NDRG3: variants seen among roughly 807,000 people sequenced by gnomAD.
NDRG3 encodes NDRG family member 3.
In NDRG3, 23 loss-of-function variants were observed where a neutral mutation model predicts 57.2. The observed-to-expected ratio is 0.40, with a 90% CI of 0.29 to 0.57. NDRG3 has a LOEUF of 0.57. Among genes scored for constraint, NDRG3 ranks in the 20% least tolerant of loss-of-function variants. NDRG3 has a pLI of 0.42. For missense variants in NDRG3, 384 were observed against 457.3 expected (o/e 0.84, Z 1.46); for synonymous variants, 132 against 162.6 (o/e 0.81, Z 1.43).
chr20:36,723,175 T>C (rs1404597570), intron 1 of NDRG3, among the ~76,000 whole-genome samples: 3 of 152,112 alleles, frequency 2.0e-5, no homozygotes, highest in African/African-American at 7.2e-5. Flanking sequence ...ACAGAAACCA[T>C]GAGAGATAAT....
chr20:36,727,610 C>G (rs1370526422), intron 1 of NDRG3, among the ~76,000 whole-genome samples: 2 of 151,064 alleles, frequency 1.3e-5, no homozygotes, highest in Non-Finnish European at 2.9e-5. Context: ...TGGCACATCT[C>G]AGCTCACTGC....
intron 5 of NDRG3, 82 bp downstream of exon 5, chr20:36,687,410 G>T (rs1981880545): frequency 4.6e-6 from 7 of 1,514,972 alleles, no homozygotes; most frequent in Non-Finnish European, 5.4e-6. Flanking sequence ...TCAAAGGGAA[G>T]CACACACCAC....
chr20:36,729,421 T>C (rs551928271), intron 1 of NDRG3, among the ~76,000 whole-genome samples: 12 of 152,318 alleles, frequency 7.9e-5, no homozygotes, highest in Admixed American at 7.8e-4. Context: ...ATCTCAGATA[T>C]GATCAGTTTT....
chr20:36,671,380 G>C lies in NDRG3; in HGVS notation c.549C>G (p.Thr183=), dbSNP rs1222861279. ...WAASKLSGLT[T]NVVDIILAHH... ...GAGCCAAAATAATGTCCACAACATT[G>C]GTTGTCAGGCCAGAGAGCTGAAAAG... is the stretch of plus-strand genomic sequence containing the variant. Residue 183 remains threonine, a synonymous_variant, in exon 9 of 16, where the codon ACC becomes ACG. Transcript: ENST00000349004. 2.5e-6 allele frequency: 4 copies of C among 1,613,734 alleles called. No homozygotes were observed. The Admixed American group carries it at 5.0e-5, about 20-fold the overall frequency.
At position 36,680,484 on chromosome 20, in the gene NDRG3, CAA is replaced by C. The variant is rs71186011; in HGVS notation, c.531+330_531+331del. 3.1e-3 allele frequency among the ~76,000 whole-genome samples: 390 copies of C among 127,348 alleles called. 1 individual carries two copies. Among genetic ancestry groups the C allele is most frequent in the African/African-American group, 5.2e-3 (176 of 33,844 alleles). 83.5% of individuals were successfully genotyped at this position (127,348 alleles called of 152,430 possible). ...TGGGCAACAGAGTGAGACTCCATCT[CAA>C]AAAAAAAAAAAAAATACAGTTTCTA... On this transcript the variant is annotated intron_variant, in intron 8 of 15. Coordinates refer to ENST00000349004, the MANE Select transcript of NDRG3 (RefSeq NM_032013.4).
At position 36,720,457 on chromosome 20, in the gene NDRG3, G is replaced by A. The variant is rs778139566; in HGVS notation, c.57+1222C>T. Among the ~76,000 whole-genome samples the A allele has an allele frequency of 2.6e-4, 40 of 152,256 alleles. 1 individual carries two copies. Among genetic ancestry groups the A allele is most frequent in the Non-Finnish European group, 5.3e-4 (36 of 68,024 alleles). Reference sequence around the variant, plus strand: ...CAAAGTGCTGGGATTACAGGCATAAGCCACTGCACCTGGCCAAAACCTTTC... The same window carrying A: ...CAAAGTGCTGGGATTACAGGCATAAACCACTGCACCTGGCCAAAACCTTTC... On this transcript the variant is annotated intron_variant, in intron 2 of 15. Coordinates refer to ENST00000349004, the MANE Select transcript of NDRG3 (RefSeq NM_032013.4).
At chr20:36,709,830 G>A (rs369318944) in intron 2 of NDRG3, among the ~76,000 whole-genome samples, 5 of 152,022 alleles carry the variant, frequency 3.3e-5, no homozygotes, top group African/African-American at 1.2e-4. Flanking sequence ...TCAGGTGCTT[G>A]ATACAGATTT....
intron 2 of NDRG3, among the ~76,000 whole-genome samples, 155 bp downstream of exon 2, chr20:36,721,524 T>C (rs975584013): frequency 2.0e-5 from 3 of 150,352 alleles, no homozygotes; most frequent in Non-Finnish European, 4.4e-5. Flanking sequence ...TGAGACACCG[T>C]CTCAAAAAAA....
At chr20:36,685,015 C>G (rs551430351) in intron 5 of NDRG3, among the ~76,000 whole-genome samples, 1 of 152,128 alleles carries the variant, frequency 6.6e-6, no homozygotes, top group African/African-American at 2.4e-5. Context: ...AACAAGCAGC[C>G]CTTGGGACCA....
intron 1 of NDRG3, among the ~76,000 whole-genome samples, chr20:36,740,381 C>T (rs1490323527): frequency 6.6e-6 from 1 of 152,248 alleles, no homozygotes; most frequent in Non-Finnish European, 1.5e-5. Context: ...GAGTCTCGCT[C>T]TATCACCCAG....
intron 1 of NDRG3, among the ~76,000 whole-genome samples, chr20:36,735,106 G>A (rs1985535555): frequency 6.6e-6 from 1 of 152,152 alleles, no homozygotes; most frequent in Non-Finnish European, 1.5e-5. Flanking sequence ...GTCATGGATA[G>A]CTATCCATCA....
chr20:36,714,684 G>A lies in NDRG3; in HGVS notation c.57+6995C>T, dbSNP rs1436004367. On this transcript the variant is annotated intron_variant, in intron 2 of 15. Coordinates refer to ENST00000349004, the MANE Select transcript of NDRG3 (RefSeq NM_032013.4). ...GCTGGAGTGCAGTGGTGCAATCTCG[G>A]CTTATTGTAAGCTCCACCTCCCAGG... 2.7e-5 allele frequency among the ~76,000 whole-genome samples: 4 copies of A among 150,858 alleles called. No homozygotes were observed. In the East Asian group the frequency reaches 8.0e-4, roughly 30 times the overall value.
chr20:36,711,904 C>T (rs1162043784), intron 2 of NDRG3, among the ~76,000 whole-genome samples: 2 of 152,042 alleles, frequency 1.3e-5, no homozygotes, highest in Non-Finnish European at 2.9e-5. Context: ...CTCAGCCTCC[C>T]AAGCAGCTGG....
chr20:36,745,874 C>G (rs1272085447), intron 1 of NDRG3, among the ~76,000 whole-genome samples, 171 bp downstream of exon 1: 2 of 73,250 alleles, frequency 2.7e-5, no homozygotes, highest in African/African-American at 9.8e-5. Context: ...GTCCGGCGGG[C>G]GGGCGGGGCG....
Position 36,687,510 on chromosome 20 carries a change from G to A in NDRG3, c.302C>T (p.Ala101Val). The change falls in exon 5 of 16, where the codon GCA (alanine) becomes GTA (valine). Residue 101 changes from alanine (A) to valine (V), a missense_variant. Coordinates refer to ENST00000349004, the MANE Select transcript of NDRG3 (RefSeq NM_032013.4). ...GCCTTACCCTGTTGGGAAAGAGGGTGCACCTTCCTGCTGGCCTGGGGCATC... is the reference window on the plus strand; with the variant it reads ...GCCTTACCCTGTTGGGAAAGAGGGTACACCTTCCTGCTGGCCTGGGGCATC... The part of the protein sequence containing the change: ...HVDAPGQQEG[A>V]PSFPTGYQYP... The A allele has an allele frequency of 6.2e-7, 1 of 1,613,770 alleles. No homozygotes were observed. Among genetic ancestry groups the A allele is most frequent in the Non-Finnish European group, 8.5e-7 (1 of 1,179,938 alleles).
chr20:36,659,418 G>A (rs948440909), intron 13 of NDRG3, among the ~76,000 whole-genome samples: 2 of 151,940 alleles, frequency 1.3e-5, no homozygotes, highest in East Asian at 1.9e-4. Flanking sequence ...GTGAGCCACC[G>A]TGCCCAGCCC....
At chr20:36,739,937 A>T (rs1985844244) in intron 1 of NDRG3, among the ~76,000 whole-genome samples, 1 of 151,128 alleles carries the variant, frequency 6.6e-6, no homozygotes, top group African/African-American at 2.4e-5. Flanking sequence ...AAAAAACCGT[A>T]AACCTTACAA....
chr20:36,707,037 G>C (rs1246480317), intron 2 of NDRG3, 30 bp from the exon 3 acceptor site: 1 of 1,609,980 alleles, frequency 6.2e-7, no homozygotes, highest in African/African-American at 1.3e-5. Context: ...AACACAGTCA[G>C]TTTCCCCACA....
At chr20:36,737,821 T>G (rs1374519524) in intron 1 of NDRG3, among the ~76,000 whole-genome samples, 3 of 152,176 alleles carry the variant, frequency 2.0e-5, no homozygotes, top group Admixed American at 1.3e-4. Context: ...GGCTGATACC[T>G]GTAATACCAG....
Sources: gnomAD v4.1 joint callset for allele counts (sites outside exome capture counted in the v4.1 genomes callset) on GRCh38, gnomAD v4.1.1 for gene constraint, MANE v1.5 for transcripts, NCBI Gene and HGNC (gene_info 2026-07-23, HGNC 2026-07-21) for gene names.